The following PARN variants were observed in gnomAD, a reference collection of about 807,000 sequenced individuals.
The protein encoded by PARN is poly(A)-specific ribonuclease PARN.
In PARN, 71 loss-of-function variants were observed where a neutral mutation model predicts 102.8. The ratio of observed to expected loss-of-function variants is 0.69; its 90% CI spans 0.57 to 0.84. The LOEUF is 0.84. Among genes scored for constraint, PARN ranks in the 40% least tolerant of loss-of-function variants. PARN has a pLI of 0.00. For synonymous variants in PARN, 261 were observed against 252.9 expected (o/e 1.03, Z -0.30); for missense variants, 782 against 760.9 (o/e 1.03, Z -0.33).
At chr16:14,544,522 C>T (rs1172435525) in intron 21 of PARN, among the ~76,000 whole-genome samples, 2 of 152,196 alleles carry the variant, frequency 1.3e-5, no homozygotes, top group Admixed American at 1.3e-4. Context: ...TTGCAGTAAG[C>T]TGAGACCGCA....
chr16:14,490,095 T>G (rs929904775), intron 21 of PARN, among the ~76,000 whole-genome samples: 1 of 152,012 alleles, frequency 6.6e-6, no homozygotes, highest in African/African-American at 2.4e-5. Flanking sequence ...GATGTGGAGG[T>G]TGCAGTGAAC....
Position 14,609,048 on chromosome 16 carries a change from G to A in PARN, c.620+10C>T. On this transcript the variant is annotated intron_variant, in intron 8 of 23. Transcript: ENST00000437198. Reference sequence around the variant, plus strand: ...AAAAAGGACATGCAGAAATGTTCAGGACAACTAACCCGGTACATGGCTCTA... The same window carrying A: ...AAAAAGGACATGCAGAAATGTTCAGAACAACTAACCCGGTACATGGCTCTA... The A allele has an allele frequency of 6.5e-7, 1 of 1,530,646 alleles. No individual in the cohort carries two copies. The highest frequency in any genetic ancestry group is 9.0e-7 in the Non-Finnish European group (1 of 1,111,696). The allele number at this position is 1,530,646 out of a possible 1,614,324, so 94.8% of individuals were successfully genotyped here. A position where few individuals can be genotyped will look rare whatever the true frequency, so the allele number is the denominator to read the frequency against.
In PARN at chr16:14,573,458, C is replaced by T. The variant is rs577808162; in HGVS notation, c.1262+7416G>A. Among the ~76,000 whole-genome samples the T allele has an allele frequency of 1.8e-4, 28 of 152,276 alleles. No individual in the cohort carries two copies. The South Asian group carries it at 5.6e-3, about 30-fold the overall frequency. Reference sequence around the variant, plus strand: ...TTGTGTCCTTTGACCAATATCTCCCCAATCCTCCCCGCACCCCTTATATTT... The same window carrying T: ...TTGTGTCCTTTGACCAATATCTCCCTAATCCTCCCCGCACCCCTTATATTT... On this transcript the variant is annotated intron_variant, in intron 18 of 23. Transcript: ENST00000437198.
chr16:14,436,645 C>A lies in PARN; in HGVS notation c.*72G>T, dbSNP rs369729509. Reference sequence around the variant, plus strand: ...ACATTTGATTAAGTTAAATACAGTGCGGCTTCCAAATGTGCCAGCCGGCTC... The same window carrying A: ...ACATTTGATTAAGTTAAATACAGTGAGGCTTCCAAATGTGCCAGCCGGCTC... On this transcript the variant is annotated 3_prime_UTR_variant, in exon 24 of 24. Transcript: ENST00000437198. 2.7e-6 allele frequency: 3 copies of A among 1,100,318 alleles called. No individual in the cohort carries two copies. The highest frequency in any genetic ancestry group is 1.5e-5 in the African/African-American group (1 of 64,746). 68.2% of individuals were successfully genotyped at this position (1,100,318 alleles called of 1,614,324 possible). A position where few individuals can be genotyped will look rare whatever the true frequency, so the allele number is the denominator to read the frequency against.
chr16:14,583,705 G>C (rs914336410), intron 16 of PARN, among the ~76,000 whole-genome samples: 1 of 152,122 alleles, frequency 6.6e-6, no homozygotes, highest in African/African-American at 2.4e-5. Flanking sequence ...CATGTCTTTA[G>C]AAGTTTTCAG....
At position 14,501,435 on chromosome 16, in the gene PARN, C is replaced by A. The variant is rs996192543; in HGVS notation, c.1481-18608G>T. 16 of 27,590 alleles carry A rather than the reference C, an allele frequency of 5.8e-4. 1 individual carries two copies. The highest frequency in any genetic ancestry group is 2.4e-3 in the Admixed American group (4 of 1,634). The allele number at this position is 27,590 out of a possible 1,614,324, so 1.7% of individuals were successfully genotyped here. On this transcript the variant is annotated intron_variant, in intron 21 of 23. Transcript: ENST00000437198. Reference sequence around the variant, plus strand: ...CAGCCTGGGACAAAGCAAGACTGTCCAAAAAAAAAAAAAAAAAAAAAAAAA... The same window carrying A: ...CAGCCTGGGACAAAGCAAGACTGTCAAAAAAAAAAAAAAAAAAAAAAAAAA...
chr16:14,617,843 T>C (rs924706797), intron 5 of PARN, among the ~76,000 whole-genome samples, 193 bp from the exon 6 acceptor site: 4 of 152,192 alleles, frequency 2.6e-5, no homozygotes, highest in Admixed American at 2.0e-4. Context: ...GCTCTTCTCC[T>C]TTATAGCTTA....
At chr16:14,616,305 C>T (rs1049278172) in intron 6 of PARN, among the ~76,000 whole-genome samples, 5 of 152,164 alleles carry the variant, frequency 3.3e-5, no homozygotes, top group Non-Finnish European at 5.9e-5. Flanking sequence ...TCATGCTATG[C>T]AAGGGGATGT....
intron 21 of PARN, among the ~76,000 whole-genome samples, chr16:14,550,470 G>A (rs756406990): frequency 6.6e-6 from 1 of 152,166 alleles, no homozygotes; most frequent in African/African-American, 2.4e-5. Context: ...ATTATGCGCA[G>A]TTTACAGAGA....
chr16:14,484,778 T>C (rs1210754116), intron 21 of PARN, among the ~76,000 whole-genome samples: 1 of 152,192 alleles, frequency 6.6e-6, no homozygotes, highest in Non-Finnish European at 1.5e-5. Flanking sequence ...CGGAATGTCA[T>C]GCCCTAAATA....
At chr16:14,469,700 T>C (rs928545504) in intron 22 of PARN, among the ~76,000 whole-genome samples, 1 of 132,362 alleles carries the variant, frequency 7.6e-6, no homozygotes, top group Admixed American at 7.5e-5. Flanking sequence ...TTAAAAAGCA[T>C]AAAGTGTCAA....
At position 14,555,798 on chromosome 16, in the gene PARN, A is replaced by T. The variant is rs189174341; in HGVS notation, c.1263-89T>A. On this transcript the variant is annotated intron_variant, in intron 18 of 23. Coordinates refer to ENST00000437198, the MANE Select transcript of PARN (RefSeq NM_002582.4). ...TTTAAGGTTGAATTAGAAAAAAAAA[A>T]TTTTAATAGGCATTTATTATATCTT... 31 of 579,454 alleles carry T rather than the reference A, an allele frequency of 5.3e-5. 1 individual carries two copies. The highest frequency in any genetic ancestry group is 1.8e-4 in the South Asian group (7 of 38,430). The allele number at this position is 579,454 out of a possible 1,614,324, so 35.9% of individuals were successfully genotyped here. A position where few individuals can be genotyped will look rare whatever the true frequency, so the allele number is the denominator to read the frequency against.
intron 21 of PARN, among the ~76,000 whole-genome samples, chr16:14,486,245 T>C (rs1294081058): frequency 6.6e-6 from 1 of 152,120 alleles, no homozygotes; most frequent in African/African-American, 2.4e-5. Context: ...CTTCAGACTA[T>C]AGTCTCAGTT....
At chr16:14,575,927 A>ACTT (rs1478259524) in intron 18 of PARN, 2 of 152,362 alleles carry the variant, frequency 1.3e-5, no homozygotes, top group Non-Finnish European at 1.5e-5. Flanking sequence ...ATAGTGAATG[A>ACTT]ATCTCACAAG....
At chr16:14,505,188 TG>T (rs1245402802) in intron 21 of PARN, among the ~76,000 whole-genome samples, 2 of 152,262 alleles carry the variant, frequency 1.3e-5, no homozygotes, top group Non-Finnish European at 1.5e-5. Flanking sequence ...GAAAGGCAAG[TG>T]AACAAACCTC....
chr16:14,620,518 G>A (rs1972232147), intron 5 of PARN, among the ~76,000 whole-genome samples: 1 of 152,192 alleles, frequency 6.6e-6, no homozygotes. Flanking sequence ...TCTTGGCCAA[G>A]TCAGAACATC....
chr16:14,528,270 G>A (rs574058461), intron 21 of PARN, among the ~76,000 whole-genome samples: 1 of 152,144 alleles, frequency 6.6e-6, no homozygotes, highest in Non-Finnish European at 1.5e-5. Context: ...CTACTGAAGT[G>A]GGACCCCCAC....
Position 14,447,026 on chromosome 16 carries a change from C to A in PARN, c.1726G>T (p.Ala576Ser). ...KRNLSPSQEE[A>S]GLEDGVSGEI... The stretch of plus-strand genomic sequence containing the variant: ...CCTGACACTCCGTCCTCCAGGCCAG[C>A]TTCCTCTTGACTAGGACTCAAATTT... Residue 576 changes from alanine to serine, a missense_variant, in exon 23 of 24, where the codon GCT becomes TCT. Ala to Ser is a moderately conservative substitution (Grantham distance 99). Transcript: ENST00000437198. 6.2e-7 allele frequency: 1 copy of A among 1,613,918 alleles called. No homozygotes were observed. Among genetic ancestry groups the A allele is most frequent in the Non-Finnish European group, 8.5e-7 (1 of 1,179,806 alleles).
chr16:14,581,047 G>T, intron 17 of PARN, 104 bp from the exon 18 acceptor site: 2 of 652,172 alleles, frequency 3.1e-6, no homozygotes, highest in South Asian at 2.1e-5. Context: ...TTCAACAAGT[G>T]TGAAAGGTAT....
Sources: allele counts gnomAD v4.1 joint callset (sites outside exome capture counted in the v4.1 genomes callset), GRCh38; gene constraint gnomAD v4.1.1; transcripts MANE v1.5; gene names NCBI Gene and HGNC (gene_info 2026-07-23, HGNC 2026-07-21).